Variants in CD44 observed in about 807,000 individuals in gnomAD.
CD44 encodes CD44 molecule (IN blood group), also known as CD44 antigen.
Under a neutral mutation model 88.8 loss-of-function variants are expected in CD44, and 49 were observed. The observed-to-expected ratio is 0.55, with a 90% CI of 0.44 to 0.70. The LOEUF (loss-of-function observed/expected upper bound fraction) is 0.70. Among genes scored for constraint, CD44 ranks in the 30% least tolerant of loss-of-function variants. CD44 has a pLI of 0.00. For synonymous variants in CD44, 325 were observed against 312.3 expected (o/e 1.04, Z -0.43); for missense variants, 883 against 913.8 (o/e 0.97, Z 0.43).
intron 1 of CD44, among the ~76,000 whole-genome samples, chr11:35,174,681 A>T (rs988363256): frequency 6.6e-6 from 1 of 152,184 alleles, no homozygotes; most frequent in African/African-American, 2.4e-5. Flanking sequence ...ATAATTCTTT[A>T]CCCAACTGAT....
chr11:35,225,813 TA>T (rs1162332513), intron 17 of CD44, among the ~76,000 whole-genome samples: 1 of 151,930 alleles, frequency 6.6e-6, no homozygotes, highest in African/African-American at 2.4e-5. Context: ...TGAGACTTTG[TA>T]AAAAACAAAA....
At chr11:35,180,173 C>T (rs897437022) in intron 2 of CD44, 101 bp from the exon 3 acceptor site, 76 of 1,200,742 alleles carry the variant, frequency 6.3e-5, no homozygotes, top group Non-Finnish European at 8.8e-5. Context: ...TAGGGGTGAA[C>T]TGAATGAAGT....
chr11:35,201,017 C>T (rs1205531711), intron 7 of CD44, 65 bp from the exon 8 acceptor site: 27 of 1,108,784 alleles, frequency 2.4e-5, no homozygotes, highest in Middle Eastern at 2.0e-4. Flanking sequence ...AGACTATGTG[C>T]GGGACAAGTG....
chr11:35,221,752 G>A lies in CD44; in HGVS notation c.2024+20G>A, dbSNP rs55698889. 5.0e-6 allele frequency: 8 copies of A among 1,606,352 alleles called. No individual in the cohort carries two copies. The highest frequency in any genetic ancestry group is 6.0e-6 in the Non-Finnish European group (7 of 1,172,856). On this transcript the variant is annotated intron_variant, in intron 17 of 17. Transcript: ENST00000428726. ...AAGAAGGTAAGGGGCTGTCCTGGGG[G>A]CTTTCAACTTGGAAAGGGCATCATT...
chr11:35,166,284 C>T (rs1386666161), intron 1 of CD44, among the ~76,000 whole-genome samples: 8 of 152,204 alleles, frequency 5.3e-5, no homozygotes, highest in African/African-American at 1.4e-4. Flanking sequence ...AAGACGCACT[C>T]GTCAAAGACT....
chr11:35,186,505 A>G (rs540439727), intron 3 of CD44, among the ~76,000 whole-genome samples: 1 of 151,662 alleles, frequency 6.6e-6, no homozygotes, highest in African/African-American at 2.4e-5. Context: ...TTTGCATTAG[A>G]GAAGGAGCCG....
At chr11:35,208,079 A>G (rs1049416017) in intron 11 of CD44, 26 bp from the exon 12 acceptor site, 2 of 1,388,912 alleles carry the variant, frequency 1.4e-6, no homozygotes, top group South Asian at 2.3e-5. Flanking sequence ...GAAATCAAGC[A>G]ATAACACTAA....
At chr11:35,152,027 A>G (rs1860416562) in intron 1 of CD44, among the ~76,000 whole-genome samples, 1 of 152,230 alleles carries the variant, frequency 6.6e-6, no homozygotes, top group South Asian at 2.1e-4. Flanking sequence ...TGGCGACAGG[A>G]GGAATAACTA....
intron 17 of CD44, chr11:35,223,169 TA>T (rs1949441179): frequency 1.0e-6 from 1 of 985,280 alleles, no homozygotes; most frequent in Admixed American, 6.1e-5. Flanking sequence ...AGAAAAAATC[TA>T]AAAGGCCGCC....
intron 11 of CD44, among the ~76,000 whole-genome samples, chr11:35,207,291 T>G (rs368980966): frequency 6.6e-6 from 1 of 152,234 alleles, no homozygotes; most frequent in Non-Finnish European, 1.5e-5. Flanking sequence ...ATTCTGGTGC[T>G]TCACTGGGAC....
At chr11:35,147,070 G>A (rs545329520) in intron 1 of CD44, among the ~76,000 whole-genome samples, 128 of 152,292 alleles carry the variant, frequency 8.4e-4, no homozygotes, top group African/African-American at 3.0e-3. Flanking sequence ...CATTAGGATA[G>A]GATAGGGCTG....
At chr11:35,143,121 A>G (rs1363003081) in intron 1 of CD44, among the ~76,000 whole-genome samples, 1 of 151,990 alleles carries the variant, frequency 6.6e-6, no homozygotes, top group Non-Finnish European at 1.5e-5. Flanking sequence ...TTACTCTACA[A>G]TATACCCAAT....
Position 35,204,596 on chromosome 11 carries a change from G to A in CD44, c.1238G>A (p.Arg413His), listed in dbSNP as rs190041845. 104 of 1,613,028 alleles carry A rather than the reference G, an allele frequency of 6.4e-5. No individual in the cohort carries two copies. The highest frequency in any genetic ancestry group is 1.6e-4 in the Middle Eastern group (1 of 6,080). Residue 413 changes from arginine (R) to histidine (H), a missense_variant, in exon 10 of 18, where the codon CGC becomes CAC. Arg to His is a conservative substitution (Grantham distance 29). This residue lies in a region of CD44 where 631 missense variants were observed against 590.9 expected (regional missense o/e 1.07). Coordinates refer to ENST00000428726, the MANE Select transcript of CD44 (RefSeq NM_000610.4). The stretch of plus-strand genomic sequence containing the variant: ...GGCAACAGATGGCATGAGGGATATC[G>A]CCAAACACCCAAAGAAGACTCCCAT... ...WFGNRWHEGYRQTPKEDSHST... is the reference protein window; with the variant it reads ...WFGNRWHEGYHQTPKEDSHST...
intron 3 of CD44, among the ~76,000 whole-genome samples, chr11:35,185,135 T>C (rs1298949144): frequency 6.6e-6 from 1 of 152,156 alleles, no homozygotes; most frequent in Non-Finnish European, 1.5e-5. Flanking sequence ...TATATGGTGG[T>C]AAACATGAAG....
intron 1 of CD44, among the ~76,000 whole-genome samples, chr11:35,147,474 G>T (rs1245074973): frequency 6.6e-6 from 1 of 152,086 alleles, no homozygotes; most frequent in Non-Finnish European, 1.5e-5. Context: ...GTTTCCTCTG[G>T]GTACCCCTCA....
rs780265529 is a variant in CD44, at chr11:35,201,719, A to G, written c.1085A>G (p.Glu362Gly). Reference protein sequence around the residue: ...TTAYEGNWNPEAHPPLIHHEH... With the variant: ...TTAYEGNWNPGAHPPLIHHEH... ...GCTTATGAAGGAAACTGGAACCCAGAAGCACACCCTCCCCTCATTCACCAT... is the reference window on the plus strand; with the variant it reads ...GCTTATGAAGGAAACTGGAACCCAGGAGCACACCCTCCCCTCATTCACCAT... Residue 362 changes from glutamate (E) to glycine (G), a missense_variant, in exon 9 of 18, where the codon GAA (glutamate) becomes GGA (glycine). By Grantham distance (98) the Glu-to-Gly change is moderately conservative. Coordinates refer to ENST00000428726, the MANE Select transcript of CD44 (RefSeq NM_000610.4). 1.9e-6 allele frequency: 3 copies of G among 1,613,850 alleles called. No individual in the cohort carries two copies. In the South Asian group the frequency reaches 3.3e-5, roughly 18 times the overall value.
chr11:35,178,762 G>A (rs1944706521), intron 2 of CD44, among the ~76,000 whole-genome samples: 2 of 152,224 alleles, frequency 1.3e-5, no homozygotes, highest in Non-Finnish European at 2.9e-5. Flanking sequence ...ATGACATGAT[G>A]TGATGGGGGT....
At chr11:35,181,981 T>TAA (rs1318628539) in intron 3 of CD44, among the ~76,000 whole-genome samples, 2 of 112,110 alleles carry the variant, frequency 1.8e-5, no homozygotes, top group Non-Finnish European at 1.7e-5. Flanking sequence ...ATATTATATA[T>TAA]TATATATAAA....
At chr11:35,226,506 G>A (rs971444426) in intron 17 of CD44, among the ~76,000 whole-genome samples, 2 of 152,162 alleles carry the variant, frequency 1.3e-5, no homozygotes, top group Admixed American at 1.3e-4. Flanking sequence ...GCAGCCAGGA[G>A]AAACAAGCAA....
Sources: gnomAD v4.1 joint callset for allele counts (sites outside exome capture counted in the v4.1 genomes callset) on GRCh38, gnomAD v4.1.1 for gene constraint, gnomAD v4.1.1 regional missense constraint, MANE v1.5 for transcripts, NCBI Gene and HGNC (gene_info 2026-07-23, HGNC 2026-07-21) for gene names.